Variants in SEMA5B observed in about 807,000 individuals in gnomAD.
SEMA5B encodes the protein semaphorin 5B.
Under a neutral mutation model 135.0 loss-of-function variants are expected in SEMA5B, and 66 were observed. The ratio of observed to expected loss-of-function variants is 0.49; its 90% confidence interval spans 0.40 to 0.60. The LOEUF is 0.60. SEMA5B is among the 20% of genes least tolerant of loss of function. The probability of loss-of-function intolerance (pLI) is 0.00; values close to 1 mark genes in which losing one functional copy is unlikely to be tolerated. For synonymous variants in SEMA5B, 690 were observed against 639.5 expected (o/e 1.08, Z -1.19); for missense variants, 1,501 against 1,566.3 (o/e 0.96, Z 0.70).
intron 20 of SEMA5B, 25 bp downstream of exon 20, chr3:122,911,895 C>T (rs771361092): frequency 3.2e-6 from 5 of 1,578,462 alleles, no homozygotes; most frequent in Non-Finnish European, 4.3e-6. Context: ...AGGGTTGCTG[C>T]GCAGGTGCTG....
chr3:122,984,769 TAAAA>T (rs1476744062), intron 1 of SEMA5B, among the ~76,000 whole-genome samples: 4 of 151,886 alleles, frequency 2.6e-5, no homozygotes, highest in African/African-American at 9.7e-5. Context: ...AAAAAGTAAT[TAAAA>T]AGAAAGCTTC....
At chr3:123,011,011 C>T (rs556839059) in intron 1 of SEMA5B, among the ~76,000 whole-genome samples, 1 of 152,164 alleles carries the variant, frequency 6.6e-6, no homozygotes, top group South Asian at 2.1e-4. Context: ...GCAGACAGCC[C>T]GTCCTGGGAG....
chr3:122,932,124 T>C (rs970814529), intron 5 of SEMA5B, among the ~76,000 whole-genome samples: 1 of 152,186 alleles, frequency 6.6e-6, no homozygotes, highest in Non-Finnish European at 1.5e-5. Context: ...TTTTGAACAA[T>C]GTTTTGGTTT....
At chr3:122,988,593 C>A (rs1028420811) in intron 1 of SEMA5B, among the ~76,000 whole-genome samples, 10 of 152,196 alleles carry the variant, frequency 6.6e-5, no homozygotes, top group African/African-American at 2.4e-4. Context: ...GAGCCTCCTG[C>A]CAGCCCTGGG....
In SEMA5B at chr3:122,923,943, A is replaced by C. The variant is rs192003399; in HGVS notation, c.1137-191T>G. The stretch of plus-strand genomic sequence containing the variant: ...TCTGTAAACCCCCTGGGAACGACCC[A>C]CTGACAAGAGGCACTGGTGAATCCT... On this transcript the variant is annotated intron_variant, in intron 9 of 22. Transcript: ENST00000357599. Among the ~76,000 whole-genome samples, 4 of 152,214 alleles carry C rather than the reference A, an allele frequency of 2.6e-5. No homozygotes were observed. In the East Asian group the frequency reaches 7.7e-4, roughly 29 times the overall value.
chr3:122,955,900 T>G (rs1313287924), intron 2 of SEMA5B, among the ~76,000 whole-genome samples: 1 of 152,236 alleles, frequency 6.6e-6, no homozygotes, highest in African/African-American at 2.4e-5. Context: ...ACCTACTATG[T>G]GCTGGGCCCT....
intron 1 of SEMA5B, among the ~76,000 whole-genome samples, chr3:122,983,440 C>T (rs1941591927): frequency 6.6e-6 from 1 of 151,962 alleles, no homozygotes; most frequent in African/African-American, 2.4e-5. Context: ...CACAATAAAT[C>T]ATCCGCGGGG....
chr3:122,918,226 GT>G (rs1938172898), intron 12 of SEMA5B, among the ~76,000 whole-genome samples: 1 of 152,234 alleles, frequency 6.6e-6, no homozygotes, highest in East Asian at 1.9e-4. Flanking sequence ...ATCAGCTTAT[GT>G]AAGACAAATG....
intron 2 of SEMA5B, chr3:122,958,425 A>C (rs1023767140): frequency 1.3e-5 from 2 of 152,238 alleles, no homozygotes; most frequent in South Asian, 2.1e-4. Flanking sequence ...GCAGGAAGGG[A>C]AAGCATTGTG....
At chr3:122,972,972 G>A (rs914845716) in intron 1 of SEMA5B, among the ~76,000 whole-genome samples, 2 of 152,190 alleles carry the variant, frequency 1.3e-5, no homozygotes, top group African/African-American at 4.8e-5. Context: ...ACTGGATAAG[G>A]TCCCCAGCCA....
At position 123,012,123 on chromosome 3, in the gene SEMA5B, T is replaced by G. The variant is rs1175708433; in HGVS notation, c.-39+15341A>C. Reference sequence around the variant, plus strand: ...ATATAGTTGTGAGATGTTAGGCAAGTTTCTTAACCTCTCTGAGGTCTTTTC... The same window carrying G: ...ATATAGTTGTGAGATGTTAGGCAAGGTTCTTAACCTCTCTGAGGTCTTTTC... On this transcript the variant is annotated intron_variant, in intron 1 of 22. Transcript: ENST00000357599. Among the ~76,000 whole-genome samples, 3 of 152,192 alleles carry G rather than the reference T, an allele frequency of 2.0e-5. No individual in the cohort carries two copies. In the East Asian group the frequency reaches 5.8e-4, roughly 29 times the overall value.
chr3:123,016,387 A>G (rs774149861), intron 1 of SEMA5B, among the ~76,000 whole-genome samples: 2 of 152,152 alleles, frequency 1.3e-5, no homozygotes, highest in African/African-American at 4.8e-5. Context: ...CCTTATATAA[A>G]ATGGTGTAGT....
At position 122,966,158 on chromosome 3, in the gene SEMA5B, T is replaced by C. The variant is rs144831864; in HGVS notation, c.-38-4857A>G. On this transcript the variant is annotated intron_variant, in intron 1 of 22. Coordinates refer to ENST00000357599, the MANE Select transcript of SEMA5B (RefSeq NM_001031702.4). The stretch of plus-strand genomic sequence containing the variant: ...TCCCATGATGCCCCCCACACTCTTA[T>C]TTGGCACTTAATCAAACCTCCCCAT... 3.4e-3 allele frequency among the ~76,000 whole-genome samples: 511 copies of C among 152,304 alleles called. 3 individuals are homozygous for C. Among genetic ancestry groups the C allele is most frequent in the African/African-American group, 0.012 (484 of 41,560 alleles).
intron 1 of SEMA5B, among the ~76,000 whole-genome samples, chr3:122,966,567 T>TTATTATTAC: frequency 1.4e-5 from 2 of 145,084 alleles, no homozygotes; most frequent in African/African-American, 5.2e-5. Flanking sequence ...ATTATTATTA[T>TTATTATTAC]TTTTTGAGAC....
chr3:122,982,257 G>A (rs146813883), intron 1 of SEMA5B, among the ~76,000 whole-genome samples: 1 of 152,306 alleles, frequency 6.6e-6, no homozygotes, highest in East Asian at 1.9e-4. Context: ...GGTTTCCTCT[G>A]GCTCCTGAGA....
At chr3:122,970,605 A>T (rs1399181464) in intron 1 of SEMA5B, among the ~76,000 whole-genome samples, 1 of 152,234 alleles carries the variant, frequency 6.6e-6, no homozygotes, top group Non-Finnish European at 1.5e-5. Flanking sequence ...CATGTCCTTT[A>T]GAAGTTAAAA....
intron 6 of SEMA5B, 113 bp downstream of exon 6, chr3:122,928,883 T>C: frequency 4.6e-6 from 5 of 1,086,464 alleles, no homozygotes; most frequent in Middle Eastern, 2.8e-4. Context: ...CAGCTCATCC[T>C]GGCCAGGCCT....
At position 122,915,815 on chromosome 3, in the gene SEMA5B, G is replaced by A; in HGVS notation, c.1764C>T (p.Ser588=). 1 of 1,614,114 alleles carries A rather than the reference G, an allele frequency of 6.2e-7. No individual in the cohort carries two copies. Among genetic ancestry groups the A allele is most frequent in the Non-Finnish European group, 8.5e-7 (1 of 1,180,014 alleles). ...KQQRCSTLED[S]SNMSLWTQNI... is the part of the protein sequence containing the mutation. Reference sequence around the variant, plus strand: ...TCTGGGTCCAGAGGCTCATGTTGGAGCTGTCCTCGAGTGTGCTGCAACGTT... The same window carrying A: ...TCTGGGTCCAGAGGCTCATGTTGGAACTGTCCTCGAGTGTGCTGCAACGTT... The change falls in exon 13 of 23, where the codon AGC becomes AGT. Residue 588 remains serine (S), a synonymous_variant. Transcript: ENST00000357599.
intron 1 of SEMA5B, among the ~76,000 whole-genome samples, chr3:123,019,323 C>T (rs1276250258): frequency 7.2e-5 from 11 of 152,168 alleles, no homozygotes; most frequent in Non-Finnish European, 1.5e-5. Context: ...GGGCCGGGCA[C>T]AGTAGCTCAT....
Sources: gnomAD v4.1 joint callset for allele counts (sites outside exome capture counted in the v4.1 genomes callset) on GRCh38, gnomAD v4.1.1 for gene constraint, MANE v1.5 for transcripts, NCBI Gene and HGNC (gene_info 2026-07-23, HGNC 2026-07-21) for gene names.